Variants in HECW2 observed in about 807,000 individuals in gnomAD.
The protein encoded by HECW2 is E3 ubiquitin-protein ligase HECW2.
A neutral mutation model predicts 175.2 loss-of-function variants in HECW2; 61 were observed. That is an observed-to-expected ratio of 0.35 (90% confidence interval 0.28 to 0.43). The LOEUF (loss-of-function observed/expected upper bound fraction) is 0.43, where lower values mean the gene tolerates loss of function less well. HECW2 is among the 20% of genes least tolerant of loss of function. HECW2 has a pLI of 1.00. For synonymous variants in HECW2, 671 were observed against 731.0 expected (o/e 0.92, Z 1.32); for missense variants, 1,524 against 2,000.5 (o/e 0.76, Z 4.54).
chr2:196,262,749 G>A (rs949956725), intron 17 of HECW2, among the ~76,000 whole-genome samples: 3 of 151,954 alleles, frequency 2.0e-5, no homozygotes, highest in Admixed American at 6.6e-5. Flanking sequence ...TATTTTTAGC[G>A]GAAATAGGGT....
intron 10 of HECW2, among the ~76,000 whole-genome samples, chr2:196,311,883 A>T (rs1190708206): frequency 6.6e-6 from 1 of 152,174 alleles, no homozygotes. Flanking sequence ...CTAAGACTTA[A>T]ATATAAATAG....
intron 17 of HECW2, among the ~76,000 whole-genome samples, chr2:196,258,726 T>C (rs1689166743): frequency 6.6e-6 from 1 of 152,210 alleles, no homozygotes; most frequent in African/African-American, 2.4e-5. Flanking sequence ...AAGCACACCA[T>C]ATTAACTTTT....
chr2:196,207,655 TG>T (rs1687118986), intron 28 of HECW2, among the ~76,000 whole-genome samples: 1 of 152,234 alleles, frequency 6.6e-6, no homozygotes, highest in Non-Finnish European at 1.5e-5. Flanking sequence ...TATCTGTTCA[TG>T]TAAATATCCA....
chr2:196,253,287 A>C (rs1029224183), intron 19 of HECW2, among the ~76,000 whole-genome samples: 5 of 152,224 alleles, frequency 3.3e-5, no homozygotes, highest in African/African-American at 1.2e-4. Flanking sequence ...ACCTATATAC[A>C]TCTGCTATTC....
intron 1 of HECW2, among the ~76,000 whole-genome samples, chr2:196,460,508 A>G (rs1389345162): frequency 6.8e-6 from 1 of 147,084 alleles, no homozygotes; most frequent in African/African-American, 2.5e-5. Flanking sequence ...TTTTGCATGT[A>G]TTCATTTAGC....
intron 1 of HECW2, among the ~76,000 whole-genome samples, chr2:196,495,980 G>A (rs956027407): frequency 2.0e-5 from 3 of 152,058 alleles, no homozygotes; most frequent in African/African-American, 4.8e-5. Flanking sequence ...TGCCACTGAA[G>A]GTTTTAGAAC....
At chr2:196,379,131 A>C (rs1461473935) in intron 2 of HECW2, among the ~76,000 whole-genome samples, 1 of 152,184 alleles carries the variant, frequency 6.6e-6, no homozygotes, top group Non-Finnish European at 1.5e-5. Flanking sequence ...CAACAGATAC[A>C]GTTGTCACTG....
At chr2:196,299,381 T>C (rs1254451581) in intron 13 of HECW2, among the ~76,000 whole-genome samples, 2 of 149,732 alleles carry the variant, frequency 1.3e-5, no homozygotes, top group Non-Finnish European at 3.0e-5. Context: ...TGTTAAAACA[T>C]GTTAGTTGTC....
rs553580295 is a variant in HECW2 at position 196,356,889 on chromosome 2, A to T, written c.293-13125T>A. Reference sequence around the variant, plus strand: ...GGTTCAGCACTATCTGCAGGTTCAGAATCCACTGGGGGTCTTGGAACGTAT... The same window carrying T: ...GGTTCAGCACTATCTGCAGGTTCAGTATCCACTGGGGGTCTTGGAACGTAT... On this transcript the variant is annotated intron_variant, in intron 2 of 28. Transcript: ENST00000644978. 6.6e-5 allele frequency among the ~76,000 whole-genome samples: 10 copies of T among 152,302 alleles called. No individual in the cohort carries two copies. The East Asian group carries it at 1.7e-3, about 26-fold the overall frequency.
chr2:196,462,610 A>G (rs1696790790), intron 1 of HECW2, among the ~76,000 whole-genome samples: 1 of 152,184 alleles, frequency 6.6e-6, no homozygotes, highest in African/African-American at 2.4e-5. Context: ...ACTTATTTAC[A>G]AAGCAGACGG....
intron 1 of HECW2, among the ~76,000 whole-genome samples, chr2:196,583,349 A>C (rs1690861035): frequency 6.6e-6 from 1 of 152,184 alleles, no homozygotes; most frequent in Non-Finnish European, 1.5e-5. Flanking sequence ...TTCCACACTT[A>C]CTTCTCTTTG....
At chr2:196,574,901 AG>A (rs1294838302) in intron 1 of HECW2, among the ~76,000 whole-genome samples, 1 of 152,196 alleles carries the variant, frequency 6.6e-6, no homozygotes, top group East Asian at 1.9e-4. Flanking sequence ...ATCTTTGACA[AG>A]AATGCCAAGA....
intron 2 of HECW2, among the ~76,000 whole-genome samples, chr2:196,403,239 AC>A (rs1694870792): frequency 1.4e-5 from 2 of 141,380 alleles, no homozygotes. Flanking sequence ...ATGTCACTCA[AC>A]TAAATGCTGT....
At chr2:196,430,684 A>G (rs1165875235) in intron 2 of HECW2, among the ~76,000 whole-genome samples, 1 of 152,054 alleles carries the variant, frequency 6.6e-6, no homozygotes, top group East Asian at 1.9e-4. Flanking sequence ...GAATGAAGAC[A>G]AAAAAAGGGC....
In HECW2 at chr2:196,334,114, A is replaced by G. The variant is rs760606534; in HGVS notation, c.495+310T>C. Among the ~76,000 whole-genome samples the G allele has an allele frequency of 1.1e-4, 17 of 152,278 alleles. No individual in the cohort carries two copies. The East Asian group carries it at 3.1e-3, about 28-fold the overall frequency. ...GATGCAATGCCACTCTTTCCTACCA[A>G]CTGGTCACCCACACTAAGTTTAAAC... On this transcript the variant is annotated intron_variant, in intron 4 of 28. Coordinates refer to ENST00000644978, the MANE Select transcript of HECW2 (RefSeq NM_001348768.2).
intron 2 of HECW2, among the ~76,000 whole-genome samples, chr2:196,366,048 C>T (rs888760999): frequency 3.9e-5 from 6 of 152,182 alleles, no homozygotes; most frequent in East Asian, 1.9e-4. Flanking sequence ...TCAAGAATTA[C>T]GCTCAGTAAT....
chr2:196,592,688 T>A (rs1212617959), intron 1 of HECW2: 1 of 152,148 alleles, frequency 6.6e-6, no homozygotes, highest in Non-Finnish European at 1.5e-5. Context: ...AAATGGCAAA[T>A]GAATGACCGC....
chr2:196,281,412 T>C (rs1215827818), intron 14 of HECW2, among the ~76,000 whole-genome samples: 1 of 151,792 alleles, frequency 6.6e-6, no homozygotes, highest in African/African-American at 2.4e-5. Flanking sequence ...CTGAGGTAGG[T>C]GGATCGCTTG....
chr2:196,273,606 TTTGA>T (rs1380358999), intron 16 of HECW2, among the ~76,000 whole-genome samples: 2 of 152,218 alleles, frequency 1.3e-5, no homozygotes, highest in Admixed American at 6.5e-5. Context: ...ATGTGCTCTC[TTTGA>T]TTGTTTATTT....
Sources: gnomAD v4.1 joint callset for allele counts (sites outside exome capture counted in the v4.1 genomes callset) on GRCh38, gnomAD v4.1.1 for gene constraint, MANE v1.5 for transcripts, NCBI Gene and HGNC (gene_info 2026-07-23, HGNC 2026-07-21) for gene names.